The following AUTS2 variants were observed in gnomAD, a reference collection of about 807,000 sequenced individuals.
AUTS2 encodes the protein activator of transcription and developmental regulator AUTS2.
AUTS2 carries 17 observed loss-of-function variants against 112.4 expected under a neutral mutation model. The observed-to-expected ratio is 0.15, with a 90% CI of 0.10 to 0.23. The LOEUF (loss-of-function observed/expected upper bound fraction) is 0.23, where lower values mean the gene tolerates loss of function less well. Among genes scored for constraint, AUTS2 ranks in the 10% least tolerant of loss-of-function variants. AUTS2 has a pLI of 1.00. For missense variants in AUTS2, 1,510 were observed against 1,701.6 expected, an observed-to-expected ratio of 0.89 and a Z score of 1.98; for synonymous variants, 751 against 702.7, an observed-to-expected ratio of 1.07 and a Z score of -1.09.
At chr7:70,668,269 G>A (rs908630911) in intron 5 of AUTS2, among the ~76,000 whole-genome samples, 4 of 152,184 alleles carry the variant, frequency 2.6e-5, no homozygotes, top group Non-Finnish European at 5.9e-5. Context: ...ATGAGCCACC[G>A]CGCCCAGCCA....
chr7:69,798,694 C>T (rs907713613), intron 1 of AUTS2, among the ~76,000 whole-genome samples: 11 of 151,954 alleles, frequency 7.2e-5, no homozygotes, highest in African/African-American at 2.2e-4. Context: ...GGAAGTTGCC[C>T]GAACAATTAA....
At chr7:70,789,006 A>C (rs1791698956) in intron 18 of AUTS2, among the ~76,000 whole-genome samples, 1 of 152,166 alleles carries the variant, frequency 6.6e-6, no homozygotes. Flanking sequence ...GCTGCTCTCT[A>C]AAATTGTTTT....
chr7:70,789,902 G>C lies in AUTS2; in HGVS notation c.2686G>C (p.Asp896His). 1.2e-6 allele frequency: 2 copies of C among 1,614,110 alleles called. No homozygotes were observed. The highest frequency in any genetic ancestry group is 1.7e-5 in the Admixed American group (1 of 60,028). The change falls in exon 19 of 19, where the codon GAC becomes CAC. Residue 896 changes from aspartate to histidine, a missense_variant. Around this residue, in one of 3 missense-constraint regions of AUTS2, gnomAD observed 788 missense variants for 797.6 expected, o/e 0.99. Coordinates refer to ENST00000342771, the MANE Select transcript of AUTS2 (RefSeq NM_015570.4). Reference protein sequence around the residue: ...EKDKPKERERDHSESRKDLAA... With the variant: ...EKDKPKERERHHSESRKDLAA... ...GGACAAACCCAAAGAGAGGGAGAGA[G>C]ACCACTCGGAATCCCGCAAGGACCT...
intron 1 of AUTS2, among the ~76,000 whole-genome samples, chr7:69,651,183 CG>C (rs1584010243): frequency 6.6e-6 from 1 of 152,170 alleles, no homozygotes; most frequent in East Asian, 1.9e-4. Flanking sequence ...GTGTGAGGAA[CG>C]GGGTGTGAAA....
chr7:70,349,430 T>C (rs1041755314), intron 4 of AUTS2, among the ~76,000 whole-genome samples: 4 of 152,158 alleles, frequency 2.6e-5, no homozygotes, highest in African/African-American at 9.7e-5. Flanking sequence ...TAAAGTGAAA[T>C]TCAAAAACCA....
chr7:69,763,597 T>C (rs1204149270), intron 1 of AUTS2, among the ~76,000 whole-genome samples: 3 of 152,186 alleles, frequency 2.0e-5, no homozygotes, highest in Non-Finnish European at 4.4e-5. Flanking sequence ...TGGGTTTTTA[T>C]CCTGTTAGCC....
intron 4 of AUTS2, among the ~76,000 whole-genome samples, chr7:70,229,481 G>A (rs1263349050): frequency 1.3e-5 from 2 of 151,964 alleles, no homozygotes; most frequent in African/African-American, 4.8e-5. Flanking sequence ...TTTTACCCTT[G>A]ATACTTTCTA....
At chr7:70,298,192 CAGCT>C (rs1336018594) in intron 4 of AUTS2, among the ~76,000 whole-genome samples, 1 of 151,922 alleles carries the variant, frequency 6.6e-6, no homozygotes, top group Non-Finnish European at 1.5e-5. Context: ...CCACCACGCC[CAGCT>C]AGTTTTTATA....
intron 2 of AUTS2, among the ~76,000 whole-genome samples, chr7:70,078,852 G>A (rs994028361): frequency 6.6e-6 from 1 of 152,222 alleles, no homozygotes; most frequent in Non-Finnish European, 1.5e-5. Context: ...GTGTTGCTTT[G>A]TTTAAATTCT....
intron 4 of AUTS2, among the ~76,000 whole-genome samples, chr7:70,203,797 T>A (rs1284585198): frequency 3.3e-5 from 5 of 150,872 alleles, no homozygotes; most frequent in African/African-American, 1.2e-4. Flanking sequence ...TTCATTTGTA[T>A]CCCTTTGATT....
chr7:70,626,350 C>G (rs1585399349), intron 5 of AUTS2, among the ~76,000 whole-genome samples: 2 of 96,220 alleles, frequency 2.1e-5, no homozygotes, highest in East Asian at 5.4e-4. Context: ...ATAGCAAGAC[C>G]TTGTTTCTAA....
At chr7:69,749,194 C>A (rs773836272) in intron 1 of AUTS2, among the ~76,000 whole-genome samples, 1 of 152,074 alleles carries the variant, frequency 6.6e-6, no homozygotes, top group African/African-American at 2.4e-5. Context: ...TCAGGATATA[C>A]CTCCCTTATA....
intron 1 of AUTS2, among the ~76,000 whole-genome samples, chr7:69,722,162 AAAAT>A (rs1798989438): frequency 1.3e-5 from 2 of 152,162 alleles, no homozygotes; most frequent in Non-Finnish European, 2.9e-5. Flanking sequence ...AAAAAAAAAA[AAAAT>A]AAAAAGCAAT....
chr7:69,795,269 A>T (rs569092069), intron 1 of AUTS2, among the ~76,000 whole-genome samples: 2 of 152,294 alleles, frequency 1.3e-5, no homozygotes, highest in Admixed American at 6.5e-5. Context: ...AGGAACAAAA[A>T]AGATTTGAAA....
intron 1 of AUTS2, among the ~76,000 whole-genome samples, chr7:69,745,283 C>CG (rs1787442104): frequency 6.6e-6 from 1 of 152,238 alleles, no homozygotes; most frequent in South Asian, 2.1e-4. Context: ...AAGGGTACTT[C>CG]GGGGGATGTA....
intron 4 of AUTS2, among the ~76,000 whole-genome samples, chr7:70,249,323 A>G (rs1465072020): frequency 6.6e-6 from 1 of 152,042 alleles, no homozygotes; most frequent in African/African-American, 2.4e-5. Flanking sequence ...CCAAAATATC[A>G]TTTCAATATG....
At chr7:70,485,949 C>A (rs1346639348) in intron 5 of AUTS2, among the ~76,000 whole-genome samples, 1 of 150,972 alleles carries the variant, frequency 6.6e-6, no homozygotes, top group Non-Finnish European at 1.5e-5. Context: ...GGACTGGCAA[C>A]CAAAGGCTGT....
At chr7:69,802,869 C>T (rs541215363) in intron 1 of AUTS2, among the ~76,000 whole-genome samples, 27 of 152,238 alleles carry the variant, frequency 1.8e-4, no homozygotes, top group African/African-American at 6.3e-4. Context: ...TCTTCCATTG[C>T]GAAGATCTTT....
chr7:70,016,916 C>T (rs555970817), intron 2 of AUTS2, among the ~76,000 whole-genome samples: 1 of 152,282 alleles, frequency 6.6e-6, no homozygotes, highest in East Asian at 1.9e-4. Flanking sequence ...GATCCACCTG[C>T]CTTGGCCTTC....
Sources: allele counts gnomAD v4.1 joint callset (sites outside exome capture counted in the v4.1 genomes callset), GRCh38; gene constraint gnomAD v4.1.1; regional missense constraint gnomAD v4.1.1; transcripts MANE v1.5; gene names NCBI Gene and HGNC (gene_info 2026-07-23, HGNC 2026-07-21).